Variants in EHBP1 observed in about 807,000 individuals in gnomAD.
The protein encoded by EHBP1 is EH domain-binding protein 1.
A neutral mutation model predicts 144.0 loss-of-function variants in EHBP1; 55 were observed. That is an observed-to-expected ratio of 0.38 (90% CI 0.31 to 0.48). EHBP1 has a LOEUF of 0.48. Among genes scored for constraint, EHBP1 ranks in the 20% least tolerant of loss-of-function variants. EHBP1 has a pLI of 0.98. For synonymous variants in EHBP1, 469 were observed against 472.7 expected (o/e 0.99, Z 0.10); for missense variants, 1,200 against 1,364.2 (o/e 0.88, Z 1.90).
chr2:62,966,109 TTTTA>T (rs1284744990), intron 14 of EHBP1, among the ~76,000 whole-genome samples: 2 of 152,230 alleles, frequency 1.3e-5, no homozygotes, highest in Non-Finnish European at 2.9e-5. Context: ...AGTCTGATTC[TTTTA>T]TTTTTCTTGT....
intron 5 of EHBP1, among the ~76,000 whole-genome samples, chr2:62,824,258 AG>A (rs887282808): frequency 1.3e-5 from 2 of 152,096 alleles, no homozygotes; most frequent in South Asian, 4.1e-4. Context: ...AATTATATTA[AG>A]GGATCAATGT....
At chr2:62,835,444 A>C (rs1414857440) in intron 7 of EHBP1, among the ~76,000 whole-genome samples, 1 of 152,210 alleles carries the variant, frequency 6.6e-6, no homozygotes, top group African/African-American at 2.4e-5. Context: ...GAAATGAGTA[A>C]ACTTTTATTT....
intron 5 of EHBP1, among the ~76,000 whole-genome samples, chr2:62,774,827 T>A (rs2041942625): frequency 6.6e-6 from 1 of 152,034 alleles, no homozygotes. Context: ...CCTGGATGAC[T>A]AAGTGAAACC....
chr2:63,024,148 A>G (rs2060875170), intron 19 of EHBP1, among the ~76,000 whole-genome samples: 1 of 152,124 alleles, frequency 6.6e-6, no homozygotes. Context: ...GTTCGAGACC[A>G]GCCTGGCCAA....
At chr2:62,749,092 G>T (rs919410519) in intron 3 of EHBP1, among the ~76,000 whole-genome samples, 9 of 151,998 alleles carry the variant, frequency 5.9e-5, no homozygotes, top group Non-Finnish European at 1.3e-4. Flanking sequence ...CCATTAACTC[G>T]TCATTTATAT....
intron 15 of EHBP1, among the ~76,000 whole-genome samples, chr2:62,985,249 A>T (rs1344265226): frequency 6.6e-6 from 1 of 152,188 alleles, no homozygotes; most frequent in Non-Finnish European, 1.5e-5. Context: ...TGTCACGTGC[A>T]TAGGGCTGTC....
intron 16 of EHBP1, among the ~76,000 whole-genome samples, chr2:62,993,041 T>C (rs1254420030): frequency 6.6e-6 from 1 of 152,156 alleles, no homozygotes; most frequent in Admixed American, 6.6e-5. Flanking sequence ...GAAAAGATAA[T>C]TGTAGTTTCC....
chr2:62,838,349 A>G (rs1168366790), intron 7 of EHBP1, among the ~76,000 whole-genome samples: 1 of 152,174 alleles, frequency 6.6e-6, no homozygotes, highest in Non-Finnish European at 1.5e-5. Context: ...CAGTGTGTAG[A>G]GGGAAATTTA....
At chr2:62,933,962 A>G (rs986678963) in intron 10 of EHBP1, among the ~76,000 whole-genome samples, 1 of 152,190 alleles carries the variant, frequency 6.6e-6, no homozygotes, top group Non-Finnish European at 1.5e-5. Flanking sequence ...CACAATTTTT[A>G]AATCCATTTT....
intron 19 of EHBP1, among the ~76,000 whole-genome samples, chr2:63,018,476 T>C (rs1559073099): frequency 6.6e-6 from 1 of 152,240 alleles, no homozygotes; most frequent in Non-Finnish European, 1.5e-5. Flanking sequence ...CGATAGGTTC[T>C]GGATCATAGG....
At chr2:62,999,503 A>G (rs888773522) in intron 19 of EHBP1, among the ~76,000 whole-genome samples, 43 of 151,982 alleles carry the variant, frequency 2.8e-4, no homozygotes, top group African/African-American at 9.4e-4. Flanking sequence ...TTCTCCCCCA[A>G]TCCCCTGGGA....
chr2:62,943,810 A>G lies in EHBP1; in HGVS notation c.1373A>G (p.Lys458Arg). Residue 458 changes from lysine (K) to arginine (R), a missense_variant, in exon 12 of 23, where the codon AAG (lysine) becomes AGG (arginine). Around this residue, in one of 6 missense-constraint regions of EHBP1, gnomAD observed 94 missense variants for 143.0 expected, o/e 0.66. Coordinates refer to ENST00000431489, the MANE Select transcript of EHBP1 (RefSeq NM_001142616.3). ...GCTATTTTCTCCCTCAGTGACTACAAGTCTCTGAATCCTCAAGATATTAAA... is the reference window on the plus strand; with the variant it reads ...GCTATTTTCTCCCTCAGTGACTACAGGTCTCTGAATCCTCAAGATATTAAA... ...HHFRPDLIDYKSLNPQDIKEN... is the reference protein window; with the variant it reads ...HHFRPDLIDYRSLNPQDIKEN... 6.2e-7 allele frequency: 1 copy of G among 1,601,976 alleles called. No individual in the cohort carries two copies. Among genetic ancestry groups the G allele is most frequent in the Non-Finnish European group, 8.5e-7 (1 of 1,172,294 alleles).
chr2:62,716,371 T>C (rs1483801683), intron 2 of EHBP1, among the ~76,000 whole-genome samples: 1 of 152,210 alleles, frequency 6.6e-6, no homozygotes, highest in African/African-American at 2.4e-5. Flanking sequence ...ATTTTGTAGA[T>C]TCTAAGAGCT....
At position 62,996,873 on chromosome 2, in the gene EHBP1, C is replaced by G. The variant is rs72811589; in HGVS notation, c.3103+107C>G. ...TTTGAAGCCTGAATGTTCAGCAAAACTGCCTTGAAAATAAAAAGGCTGCGA... is the reference window on the plus strand; with the variant it reads ...TTTGAAGCCTGAATGTTCAGCAAAAGTGCCTTGAAAATAAAAAGGCTGCGA... On this transcript the variant is annotated intron_variant, in intron 19 of 22. Transcript: ENST00000431489. The G allele has an allele frequency of 9.8e-3, 14,615 of 1,493,112 alleles. 115 individuals are homozygous for G. Among genetic ancestry groups the G allele is most frequent in the Admixed American group, 0.031 (1,262 of 40,930 alleles). 92.5% of individuals were successfully genotyped at this position (1,493,112 alleles called of 1,614,324 possible). A position where few individuals can be genotyped will look rare whatever the true frequency, so the allele number is the denominator to read the frequency against.
intron 10 of EHBP1, among the ~76,000 whole-genome samples, chr2:62,897,891 G>A (rs1427406525): frequency 6.6e-6 from 1 of 152,076 alleles, no homozygotes; most frequent in African/African-American, 2.4e-5. Context: ...TTCTGTATCT[G>A]CATTAATGTA....
At chr2:63,029,643 A>G (rs567582351) in intron 19 of EHBP1, among the ~76,000 whole-genome samples, 117 of 152,268 alleles carry the variant, frequency 7.7e-4, no homozygotes, top group African/African-American at 2.6e-3. Flanking sequence ...TTATCCATAT[A>G]GAGATGAAGA....
At chr2:62,767,833 CAAAAA>C (rs1208266767) in intron 4 of EHBP1, among the ~76,000 whole-genome samples, 1 of 76,418 alleles carries the variant, frequency 1.3e-5, no homozygotes. Flanking sequence ...AAGACTCTGT[CAAAAA>C]AAAAAAAAAA....
At chr2:63,019,991 C>A (rs1024213556) in intron 19 of EHBP1, among the ~76,000 whole-genome samples, 1 of 151,152 alleles carries the variant, frequency 6.6e-6, no homozygotes, top group Non-Finnish European at 1.5e-5. Context: ...GAATTGGAGA[C>A]CGGCCTGGCC....
intron 19 of EHBP1, among the ~76,000 whole-genome samples, chr2:63,005,101 T>A (rs2059985503): frequency 1.3e-5 from 2 of 152,140 alleles, no homozygotes; most frequent in Admixed American, 1.3e-4. Context: ...TTGTTCCTGA[T>A]ATGAATCTCC....
Sources: allele counts gnomAD v4.1 joint callset (sites outside exome capture counted in the v4.1 genomes callset), GRCh38; gene constraint gnomAD v4.1.1; regional missense constraint gnomAD v4.1.1; transcripts MANE v1.5; gene names NCBI Gene and HGNC (gene_info 2026-07-23, HGNC 2026-07-21).